The following DLG2 variants were observed in gnomAD, a reference collection of about 807,000 sequenced individuals.
The protein encoded by DLG2 is disks large homolog 2.
In DLG2, 45 loss-of-function variants were observed where a neutral mutation model predicts 132.5. That is an observed-to-expected ratio of 0.34 (90% CI 0.27 to 0.44). DLG2 has a LOEUF of 0.44. DLG2 is among the 20% of genes least tolerant of loss of function. The probability of loss-of-function intolerance (pLI) is 1.00; values close to 1 mark genes in which losing one functional copy is unlikely to be tolerated. For missense variants in DLG2, 1,045 were observed against 1,196.9 expected (o/e 0.87, Z 1.87); for synonymous variants, 424 against 419.6 (o/e 1.01, Z -0.13).
chr11:85,536,466 A>G (rs955226077), intron 3 of DLG2, among the ~76,000 whole-genome samples: 1 of 152,198 alleles, frequency 6.6e-6, no homozygotes, highest in African/African-American at 2.4e-5. Flanking sequence ...ACAACGTGCT[A>G]GCAGCCCTCA....
intron 6 of DLG2, among the ~76,000 whole-genome samples, chr11:84,828,045 AG>A (rs1409643944): frequency 6.6e-6 from 1 of 151,896 alleles, no homozygotes; most frequent in Non-Finnish European, 1.5e-5. Flanking sequence ...AAAATAATAA[AG>A]GTTGATAGAC....
intron 6 of DLG2, among the ~76,000 whole-genome samples, chr11:84,911,360 A>C (rs538295410): frequency 2.0e-5 from 3 of 151,868 alleles, no homozygotes; most frequent in Non-Finnish European, 4.4e-5. Flanking sequence ...ATCATCATTA[A>C]GGGAGTTTTA....
rs2099213412 is a variant in DLG2, at chr11:84,502,232, T to TCTC, written c.519+32337_519+32338insGAG. ...CTTCCTTCCTTCCTTCCTTCCTTCC[T>TCTC]TCCTTCCTTCCTTCCTTCCTTCCTT... On this transcript the variant is annotated intron_variant, in intron 7 of 27. Coordinates refer to ENST00000376104, the MANE Select transcript of DLG2 (RefSeq NM_001142699.3). Among the ~76,000 whole-genome samples, 2 of 23,606 alleles carry TCTC rather than the reference T, an allele frequency of 8.5e-5. 1 individual carries two copies. Among genetic ancestry groups the TCTC allele is most frequent in the Non-Finnish European group, 1.5e-4 (2 of 12,928 alleles). 15.5% of individuals were successfully genotyped at this position (23,606 alleles called of 152,430 possible). A position where few individuals can be genotyped will look rare whatever the true frequency, so the allele number is the denominator to read the frequency against.
At chr11:84,454,389 G>C (rs192924625) in intron 7 of DLG2, among the ~76,000 whole-genome samples, 2 of 151,390 alleles carry the variant, frequency 1.3e-5, no homozygotes, top group African/African-American at 4.8e-5. Context: ...TAGAACAATC[G>C]CTTTGGGAAT....
At chr11:83,859,115 TC>T (rs1362133239) in intron 16 of DLG2, among the ~76,000 whole-genome samples, 1 of 152,184 alleles carries the variant, frequency 6.6e-6, no homozygotes, top group East Asian at 1.9e-4. Flanking sequence ...CTCTTTTTCT[TC>T]CCAGTCTTGG....
At chr11:83,854,757 T>C (rs2060258688) in intron 16 of DLG2, among the ~76,000 whole-genome samples, 1 of 152,272 alleles carries the variant, frequency 6.6e-6, no homozygotes, top group Non-Finnish European at 1.5e-5. Context: ...TGGACTTTTT[T>C]ATTTTATTAA....
intron 6 of DLG2, chr11:85,021,097 T>G (rs564585616): frequency 2.3e-5 from 18 of 778,816 alleles, no homozygotes; most frequent in East Asian, 2.0e-4. Flanking sequence ...GTCAACTCCT[T>G]CTTAATTGCC....
chr11:85,212,792 A>G (rs1347300062), intron 4 of DLG2, among the ~76,000 whole-genome samples: 1 of 152,164 alleles, frequency 6.6e-6, no homozygotes, highest in Non-Finnish European at 1.5e-5. Flanking sequence ...TCATATCTCA[A>G]TGTTCTTTCT....
chr11:85,295,642 GTTAA>G (rs1288554612), intron 3 of DLG2, among the ~76,000 whole-genome samples: 3 of 152,096 alleles, frequency 2.0e-5, no homozygotes, highest in Admixed American at 2.0e-4. Flanking sequence ...AATGTTAGGG[GTTAA>G]TTAAATAATA....
rs370894560 is a variant in DLG2, at chr11:85,028,884, A to G, written c.357+82777T>C. ...GGGCTCCTGCCTGTTCCTGGCTCCA[A>G]CTGGCTCTGTGGAGCGCGCAGCCCC... On this transcript the variant is annotated intron_variant, in intron 6 of 27. Transcript: ENST00000376104. 6.6e-5 allele frequency among the ~76,000 whole-genome samples: 10 copies of G among 152,178 alleles called. No homozygotes were observed. In the East Asian group the frequency reaches 1.2e-3, roughly 18 times the overall value.
chr11:83,551,722 T>A (rs2096395269), intron 19 of DLG2, among the ~76,000 whole-genome samples: 1 of 152,164 alleles, frequency 6.6e-6, no homozygotes, highest in African/African-American at 2.4e-5. Context: ...ACCTGTTGAC[T>A]AGAGATAGAG....
At chr11:83,776,902 T>C (rs537908871) in intron 18 of DLG2, among the ~76,000 whole-genome samples, 1 of 152,354 alleles carries the variant, frequency 6.6e-6, no homozygotes, top group South Asian at 2.1e-4. Context: ...TGGTTTAGTA[T>C]TCTCTGAGTA....
At chr11:84,934,161 C>T (rs184956210) in intron 6 of DLG2, among the ~76,000 whole-genome samples, 4 of 151,880 alleles carry the variant, frequency 2.6e-5, no homozygotes, top group African/African-American at 4.8e-5. Flanking sequence ...TCTGTTTATG[C>T]GATAAATCAC....
intron 5 of DLG2, among the ~76,000 whole-genome samples, chr11:85,123,655 T>C (rs1289651416): frequency 6.6e-6 from 1 of 152,186 alleles, no homozygotes; most frequent in African/African-American, 2.4e-5. Flanking sequence ...TTAAATTTAC[T>C]TAATAGGTAA....
chr11:84,159,183 T>C (rs1192920378), intron 9 of DLG2, among the ~76,000 whole-genome samples: 1 of 152,194 alleles, frequency 6.6e-6, no homozygotes, highest in Non-Finnish European at 1.5e-5. Context: ...ATTTCAGATG[T>C]TGTTCTAGAA....
intron 4 of DLG2, among the ~76,000 whole-genome samples, chr11:85,205,012 A>C (rs1242843727): frequency 6.6e-6 from 1 of 152,054 alleles, no homozygotes; most frequent in African/African-American, 2.4e-5. Context: ...CCTACCTCTC[A>C]CTTTACACCA....
At chr11:84,862,301 A>G (rs972748695) in intron 6 of DLG2, among the ~76,000 whole-genome samples, 2 of 152,338 alleles carry the variant, frequency 1.3e-5, no homozygotes, top group Non-Finnish European at 2.9e-5. Context: ...AATGGTGATC[A>G]TTATAAAGTC....
At chr11:84,031,157 T>C (rs528633955) in intron 11 of DLG2, among the ~76,000 whole-genome samples, 1 of 151,190 alleles carries the variant, frequency 6.6e-6, no homozygotes, top group African/African-American at 2.4e-5. Context: ...TGAAACTAAA[T>C]TACAATTATA....
intron 6 of DLG2, among the ~76,000 whole-genome samples, chr11:84,860,719 A>G (rs964158985): frequency 7.2e-5 from 11 of 152,112 alleles, no homozygotes; most frequent in Non-Finnish European, 1.3e-4. Flanking sequence ...GTTTACTGGC[A>G]CTTGGCAAGT....
Sources: gnomAD v4.1 joint callset for allele counts (sites outside exome capture counted in the v4.1 genomes callset) on GRCh38, gnomAD v4.1.1 for gene constraint, MANE v1.5 for transcripts, NCBI Gene and HGNC (gene_info 2026-07-23, HGNC 2026-07-21) for gene names.